SYN3: variants seen among roughly 807,000 people sequenced by gnomAD.
SYN3 encodes the protein synapsin-3.
Under a neutral mutation model 65.8 loss-of-function variants are expected in SYN3, and 35 were observed. The observed-to-expected ratio is 0.53, with a 90% CI of 0.41 to 0.70. SYN3 has a LOEUF of 0.70. Ranked by LOEUF, SYN3 falls within the 30% of genes least tolerant of loss-of-function variation. The pLI, the probability that SYN3 is intolerant of heterozygous loss-of-function variation, is 0.00. For synonymous variants in SYN3, 270 were observed against 292.9 expected (o/e 0.92, Z 0.80); for missense variants, 680 against 749.0 (o/e 0.91, Z 1.08).
rs368393503 is a variant in SYN3 at position 32,832,758 on chromosome 22, T to G, written c.711+32157A>C. 3.5e-4 allele frequency among the ~76,000 whole-genome samples: 53 copies of G among 152,194 alleles called. No homozygotes were observed. In the South Asian group the frequency reaches 0.01, roughly 29 times the overall value. On this transcript the variant is annotated intron_variant, in intron 6 of 13. Coordinates refer to ENST00000358763, the MANE Select transcript of SYN3 (RefSeq NM_003490.4). ...CCCTCTCTTTTTCTGAGACAGAGTCTCACTCTGTCGTTCAGCTGGAGTGCA... is the reference window on the plus strand; with the variant it reads ...CCCTCTCTTTTTCTGAGACAGAGTCGCACTCTGTCGTTCAGCTGGAGTGCA...
intron 3 of SYN3, among the ~76,000 whole-genome samples, chr22:32,945,260 T>C (rs187689351): frequency 6.6e-6 from 1 of 152,290 alleles, no homozygotes; most frequent in East Asian, 1.9e-4. Context: ...AGAACAAAAC[T>C]GGAGGCATCA....
chr22:32,992,527 T>C (rs941322654), intron 2 of SYN3, among the ~76,000 whole-genome samples: 2 of 152,118 alleles, frequency 1.3e-5, no homozygotes, highest in African/African-American at 4.8e-5. Context: ...AAAAAATTCA[T>C]CTCTGCCAGG....
chr22:32,929,035 C>T (rs948212388), intron 4 of SYN3, among the ~76,000 whole-genome samples: 33 of 152,098 alleles, frequency 2.2e-4, no homozygotes, highest in African/African-American at 7.5e-4. Flanking sequence ...GTAATTCCAA[C>T]ACTTTGGGAG....
chr22:33,014,205 G>A (rs2053416109), intron 1 of SYN3, among the ~76,000 whole-genome samples: 1 of 152,120 alleles, frequency 6.6e-6, no homozygotes, highest in Non-Finnish European at 1.5e-5. Flanking sequence ...ATAAGCCAAT[G>A]GGTCCTAGCT....
chr22:32,929,684 T>C (rs1003759962), intron 4 of SYN3, among the ~76,000 whole-genome samples: 1 of 152,166 alleles, frequency 6.6e-6, no homozygotes, highest in Non-Finnish European at 1.5e-5. Flanking sequence ...CTCACCTACT[T>C]GTAATTCATG....
At chr22:32,763,697 A>G (rs2045548306) in intron 6 of SYN3, among the ~76,000 whole-genome samples, 1 of 152,158 alleles carries the variant, frequency 6.6e-6, no homozygotes. Context: ...GGTGAAGCCA[A>G]TGGAGGATTC....
chr22:32,789,885 A>G (rs540797412), intron 6 of SYN3, among the ~76,000 whole-genome samples: 33 of 152,304 alleles, frequency 2.2e-4, no homozygotes, highest in African/African-American at 7.9e-4. Flanking sequence ...GTGGGAGGAA[A>G]GGCTACTTGT....
At chr22:32,788,280 G>A (rs527828774) in intron 6 of SYN3, among the ~76,000 whole-genome samples, 2 of 152,076 alleles carry the variant, frequency 1.3e-5, no homozygotes, top group Non-Finnish European at 1.5e-5. Context: ...GGTGGTTCAC[G>A]CCTATAATCC....
At chr22:32,961,438 T>C (rs2146886437) in intron 3 of SYN3, among the ~76,000 whole-genome samples, 1 of 152,342 alleles carries the variant, frequency 6.6e-6, no homozygotes, top group Non-Finnish European at 1.5e-5. Flanking sequence ...TGGAAAATAC[T>C]TGTTTCAGTA....
chr22:32,926,156 T>C (rs899519741), intron 4 of SYN3, among the ~76,000 whole-genome samples: 4 of 152,130 alleles, frequency 2.6e-5, no homozygotes, highest in African/African-American at 9.7e-5. Flanking sequence ...CCAGCCGGGA[T>C]AGATGTTCTT....
intron 6 of SYN3, among the ~76,000 whole-genome samples, chr22:32,779,732 G>A (rs2001048): frequency 0.53 from 80,681 of 151,682 alleles, 21,533 homozygotes; most frequent in African/African-American, 0.57. Context: ...TCTCCCCAGG[G>A]GATGCATGAA....
chr22:32,513,892 G>T lies in SYN3; in HGVS notation c.1611-68C>A, dbSNP rs991163380. ...ACTATCAAAGAAATGGGTCTTGGGG[G>T]CTTGCCTGTAAGCCAGATGGGCTAC... On this transcript the variant is annotated intron_variant, in intron 13 of 13. Coordinates refer to ENST00000358763, the MANE Select transcript of SYN3 (RefSeq NM_003490.4). 1.4e-5 allele frequency: 22 copies of T among 1,594,120 alleles called. No individual in the cohort carries two copies. The African/African-American group carries it at 3.0e-4, about 21-fold the overall frequency.
At chr22:32,545,098 G>A (rs2058317696) in intron 7 of SYN3, among the ~76,000 whole-genome samples, 2 of 152,228 alleles carry the variant, frequency 1.3e-5, no homozygotes, top group Non-Finnish European at 2.9e-5. Context: ...GGGCAGGGGA[G>A]GGCTTTGTAC....
intron 6 of SYN3, among the ~76,000 whole-genome samples, chr22:32,620,125 G>T (rs936772953): frequency 6.6e-6 from 1 of 152,194 alleles, no homozygotes; most frequent in African/African-American, 2.4e-5. Context: ...TGGGTGGTTT[G>T]TTACACACCA....
intron 6 of SYN3, among the ~76,000 whole-genome samples, chr22:32,703,744 T>C (rs1233772208): frequency 6.6e-6 from 1 of 152,100 alleles, no homozygotes; most frequent in African/African-American, 2.4e-5. Flanking sequence ...GTGCTTTTCA[T>C]AATGTCCTTA....
At chr22:33,005,684 G>T (rs1253734562) in intron 2 of SYN3, among the ~76,000 whole-genome samples, 1 of 152,196 alleles carries the variant, frequency 6.6e-6, no homozygotes, top group African/African-American at 2.4e-5. Context: ...CAGAAGACAG[G>T]CTCTGGAGCC....
intron 4 of SYN3, among the ~76,000 whole-genome samples, chr22:32,914,247 C>G (rs1399213294): frequency 2.0e-5 from 3 of 152,136 alleles, no homozygotes; most frequent in African/African-American, 7.2e-5. Context: ...AAAGACGAGT[C>G]ATAGTCATAC....
chr22:32,660,701 A>T (rs1279111607), intron 6 of SYN3, among the ~76,000 whole-genome samples: 1 of 152,076 alleles, frequency 6.6e-6, no homozygotes, highest in Non-Finnish European at 1.5e-5. Flanking sequence ...TTACTTATTT[A>T]CCTGTCATTC....
intron 3 of SYN3, among the ~76,000 whole-genome samples, chr22:32,958,848 C>G (rs376762910): frequency 6.6e-6 from 1 of 151,928 alleles, no homozygotes; most frequent in African/African-American, 2.4e-5. Context: ...TTCCAACATG[C>G]GGCAAAGTCC....
Sources: gnomAD v4.1 joint callset for allele counts (sites outside exome capture counted in the v4.1 genomes callset) on GRCh38, gnomAD v4.1.1 for gene constraint, MANE v1.5 for transcripts, NCBI Gene and HGNC (gene_info 2026-07-23, HGNC 2026-07-21) for gene names.